SHANK2: variants seen among roughly 807,000 people sequenced by gnomAD.
The protein encoded by SHANK2 is SH3 and multiple ankyrin repeat domains 2, also known as SH3 and multiple ankyrin repeat domains protein 2.
In SHANK2, 43 loss-of-function variants were observed where a neutral mutation model predicts 133.7. The ratio of observed to expected loss-of-function variants is 0.32; its 90% CI spans 0.25 to 0.41. The LOEUF (loss-of-function observed/expected upper bound fraction) is 0.41, where lower values mean the gene tolerates loss of function less well. Ranked by LOEUF, SHANK2 falls within the 10% of genes least tolerant of loss-of-function variation. The pLI, the probability that SHANK2 is intolerant of heterozygous loss-of-function variation, is 1.00. For synonymous variants in SHANK2, 1,017 were observed against 952.8 expected (o/e 1.07, Z -1.24); for missense variants, 1,994 against 2,235.8 (o/e 0.89, Z 2.18).
chr11:70,779,698 A>T (rs1947439671), intron 14 of SHANK2, among the ~76,000 whole-genome samples: 1 of 152,134 alleles, frequency 6.6e-6, no homozygotes, highest in South Asian at 2.1e-4. Flanking sequence ...GGTCACAGCA[A>T]TATCCTCCTC....
intron 17 of SHANK2, among the ~76,000 whole-genome samples, chr11:70,647,992 T>C (rs471859): frequency 0.27 from 40,483 of 152,194 alleles, 5,555 homozygotes; most frequent in Non-Finnish European, 0.31. Flanking sequence ...CAACCATAAG[T>C]TAGAAACAGC....
intron 9 of SHANK2, among the ~76,000 whole-genome samples, chr11:71,070,058 C>A (rs1951123440): frequency 6.6e-6 from 1 of 152,154 alleles, no homozygotes; most frequent in Non-Finnish European, 1.5e-5. Context: ...AGCTTTGGGT[C>A]AAGTACAACA....
rs1555051442 is a variant in SHANK2, at chr11:70,804,555, T to C, written c.1663+2447A>G. ...CCCCACGCTCCTGCGAGGGGCGGGT[T>C]CCAGTCTGGTCATGTTTGAGGAGGT... On this transcript the variant is annotated intron_variant, in intron 13 of 25. Coordinates refer to ENST00000601538, the MANE Select transcript of SHANK2 (RefSeq NM_012309.5). This position sits in a 1 kb window ranked among gnomAD's most constrained non-coding sequence, Gnocchi z 4.1. 6.6e-6 allele frequency among the ~76,000 whole-genome samples: 1 copy of C among 152,140 alleles called. No homozygotes were observed. Among genetic ancestry groups the C allele is most frequent in the Admixed American group, 6.5e-5 (1 of 15,290 alleles).
At chr11:70,848,364 G>A (rs1949029682) in intron 11 of SHANK2, among the ~76,000 whole-genome samples, 1 of 152,340 alleles carries the variant, frequency 6.6e-6, no homozygotes, top group Non-Finnish European at 1.5e-5. Context: ...GTCAGGGCCT[G>A]GCGGGGGTGA....
rs1358862535 is a variant in SHANK2, at chr11:71,085,726, AAAATAT to A, written c.912+6690_912+6695del. 8.6e-3 allele frequency among the ~76,000 whole-genome samples: 375 copies of A among 43,564 alleles called. 2 individuals carry two copies. The highest frequency in any genetic ancestry group is 0.013 in the Admixed American group (28 of 2,182). The allele number at this position is 43,564 out of a possible 152,430, so 28.6% of individuals were successfully genotyped here. A position where few individuals can be genotyped will look rare whatever the true frequency, so the allele number is the denominator to read the frequency against. On this transcript the variant is annotated intron_variant, in intron 8 of 25. Transcript: ENST00000601538. ...ATATGTTATATATATTATATTATAT[AAAATAT>A]AATATATTATATAATATATTATGTT...
At chr11:70,502,752 C>CCCCCCCCA in intron 18 of SHANK2, 44 bp downstream of exon 18, 1 of 1,345,262 alleles carries the variant, frequency 7.4e-7, no homozygotes, top group Admixed American at 2.1e-5. Context: ...CCCCCCCCCC[C>CCCCCCCCA]CAGTAGGGCC....
chr11:70,531,217 T>G (rs1554973135), intron 17 of SHANK2, among the ~76,000 whole-genome samples: 1 of 151,224 alleles, frequency 6.6e-6, no homozygotes, highest in Non-Finnish European at 1.5e-5. Context: ...ACATGTATTT[T>G]ACTATGATTT....
chr11:70,619,205 T>C (rs542378851), intron 17 of SHANK2, among the ~76,000 whole-genome samples: 2 of 152,188 alleles, frequency 1.3e-5, no homozygotes, highest in Admixed American at 6.5e-5. Flanking sequence ...ACTACAAATT[T>C]AGTGGCTTAA....
intron 10 of SHANK2, among the ~76,000 whole-genome samples, chr11:70,906,612 A>G (rs2938252): frequency 0.27 from 41,374 of 152,082 alleles, 7,195 homozygotes; most frequent in African/African-American, 0.49. Context: ...GGCTTCTCGG[A>G]AAGGCACGAG....
intron 24 of SHANK2, 51 bp downstream of exon 24, chr11:70,489,277 T>G: frequency 6.4e-7 from 1 of 1,571,500 alleles, no homozygotes; most frequent in East Asian, 2.2e-5. Flanking sequence ...CCTTATAAAG[T>G]AAACTGGGTT....
intron 17 of SHANK2, among the ~76,000 whole-genome samples, chr11:70,658,282 GACACACAC>G (rs138823201): frequency 5.9e-4 from 66 of 111,572 alleles, no homozygotes; most frequent in Non-Finnish European, 7.6e-4. Context: ...CACACACACA[GACACACAC>G]ACACACACAC....
At chr11:71,119,955 C>A (rs80286584) in intron 3 of SHANK2, among the ~76,000 whole-genome samples, 2,564 of 152,236 alleles carry the variant, frequency 0.017, 79 homozygotes, top group African/African-American at 0.059. Context: ...TTCATACTAC[C>A]TACGCTGACT....
chr11:70,545,083 AG>A (rs1300615338), intron 17 of SHANK2, among the ~76,000 whole-genome samples: 2 of 152,170 alleles, frequency 1.3e-5, no homozygotes, highest in African/African-American at 4.8e-5. Context: ...AGGGCAGGCA[AG>A]GGCCACTGGG....
chr11:70,656,652 A>G (rs1555011708), intron 17 of SHANK2, among the ~76,000 whole-genome samples: 1 of 152,112 alleles, frequency 6.6e-6, no homozygotes, highest in Non-Finnish European at 1.5e-5. Context: ...CCATGGGGCC[A>G]CTGTGATCAA....
At chr11:70,853,384 C>T (rs1949119499) in intron 11 of SHANK2, among the ~76,000 whole-genome samples, 1 of 152,220 alleles carries the variant, frequency 6.6e-6, no homozygotes, top group African/African-American at 2.4e-5. Context: ...ACAGACAAGA[C>T]CCTGAGGCTG....
intron 14 of SHANK2, among the ~76,000 whole-genome samples, chr11:70,795,932 G>C (rs782557566): frequency 6.6e-6 from 1 of 152,174 alleles, no homozygotes; most frequent in Non-Finnish European, 1.5e-5. Context: ...ACTCACACCC[G>C]CATCAGCCCA....
At chr11:70,734,350 T>C (rs1946356106) in intron 14 of SHANK2, among the ~76,000 whole-genome samples, 1 of 152,138 alleles carries the variant, frequency 6.6e-6, no homozygotes, top group African/African-American at 2.4e-5. Flanking sequence ...AGTGAAGGTG[T>C]GTGAAGGTGA....
chr11:70,669,035 G>T (rs782007450), intron 15 of SHANK2: 4 of 152,384 alleles, frequency 2.6e-5, no homozygotes, highest in South Asian at 2.1e-4. Context: ...TTTTCCTGGC[G>T]TTCTTTCCGG....
intron 9 of SHANK2, among the ~76,000 whole-genome samples, chr11:71,067,422 TC>T (rs1339157395): frequency 2.0e-5 from 3 of 152,072 alleles, no homozygotes; most frequent in African/African-American, 7.2e-5. Context: ...CCCAGGCTGC[TC>T]CCCTCCCTCT....
Sources: gnomAD v4.1 joint callset for allele counts (sites outside exome capture counted in the v4.1 genomes callset) on GRCh38, gnomAD v4.1.1 for gene constraint, Gnocchi (gnomAD v3.1) non-coding constraint, MANE v1.5 for transcripts, NCBI Gene and HGNC (gene_info 2026-07-23, HGNC 2026-07-21) for gene names.